Variants in FBXL7 observed in about 807,000 individuals in gnomAD.
FBXL7 encodes F-box and leucine rich repeat protein 7.
Under a neutral mutation model 38.3 loss-of-function variants are expected in FBXL7, and 12 were observed. The observed-to-expected ratio is 0.31, with a 90% confidence interval of 0.20 to 0.51. The LOEUF is 0.51. FBXL7 is among the 20% of genes least tolerant of loss of function. The pLI is 0.98. For synonymous variants in FBXL7, 297 were observed against 300.9 expected (o/e 0.99, Z 0.13); for missense variants, 567 against 676.4 (o/e 0.84, Z 1.79).
intron 2 of FBXL7, among the ~76,000 whole-genome samples, chr5:15,912,507 T>C (rs2126426938): frequency 6.7e-6 from 1 of 149,790 alleles, no homozygotes; most frequent in East Asian, 1.9e-4. Context: ...CGCTGGGAGC[T>C]GTAGACCGGA....
intron 2 of FBXL7, among the ~76,000 whole-genome samples, chr5:15,652,415 C>T (rs7721329): frequency 0.057 from 8,605 of 152,046 alleles, 680 homozygotes; most frequent in East Asian, 0.35. Flanking sequence ...TACAGGTGCC[C>T]GCCACCAAGC....
At chr5:15,692,140 C>T (rs1282331236) in intron 2 of FBXL7, among the ~76,000 whole-genome samples, 3 of 152,110 alleles carry the variant, frequency 2.0e-5, no homozygotes, top group Admixed American at 6.5e-5. Context: ...AATCCGGGGT[C>T]ACTTCTCTTT....
chr5:15,532,755 A>G (rs1269107064), intron 1 of FBXL7, among the ~76,000 whole-genome samples: 3 of 152,224 alleles, frequency 2.0e-5, no homozygotes, highest in Non-Finnish European at 4.4e-5. Context: ...ACTTTTAAGG[A>G]GGAAAATCCG....
intron 2 of FBXL7, among the ~76,000 whole-genome samples, chr5:15,832,593 G>A (rs992527481): frequency 5.3e-5 from 8 of 152,180 alleles, no homozygotes; most frequent in Non-Finnish European, 1.0e-4. Context: ...TTTGCAAGTG[G>A]CTATCAGTAG....
Position 15,658,492 on chromosome 5 carries a change from G to T in FBXL7, c.127+42420G>T, listed in dbSNP as rs536983504. 1.1e-4 allele frequency among the ~76,000 whole-genome samples: 16 copies of T among 152,216 alleles called. No individual in the cohort carries two copies. The South Asian group carries it at 3.3e-3, about 32-fold the overall frequency. ...GGGAGATCTGATGGTTTTATAAGGG[G>T]CTTCACCCTTTGTAGCAGGAGGAGC... On this transcript the variant is annotated intron_variant, in intron 2 of 3. Coordinates refer to ENST00000504595, the MANE Select transcript of FBXL7 (RefSeq NM_012304.5).
chr5:15,814,294 G>A lies in FBXL7; in HGVS notation c.128-113596G>A, dbSNP rs1357562828. On this transcript the variant is annotated intron_variant, in intron 2 of 3. Transcript: ENST00000504595. ...CCTTCGCAGGGACATGGATGAAGCT[G>A]GCAACCATCATTCTCGGCAAACTGA... Among the ~76,000 whole-genome samples, 3 of 152,050 alleles carry A rather than the reference G, an allele frequency of 2.0e-5. No homozygotes were observed. The East Asian group carries it at 5.8e-4, about 29-fold the overall frequency.
chr5:15,856,332 C>A (rs1739270503), intron 2 of FBXL7, among the ~76,000 whole-genome samples: 1 of 151,948 alleles, frequency 6.6e-6, no homozygotes. Flanking sequence ...AGCTACAATT[C>A]AAGATGAGAT....
Position 15,928,378 on chromosome 5 carries a change from A to G in FBXL7, c.616A>G (p.Thr206Ala). 3 of 1,614,026 alleles carry G rather than the reference A, an allele frequency of 1.9e-6. No individual in the cohort carries two copies. Among genetic ancestry groups the G allele is most frequent in the Non-Finnish European group, 2.5e-6 (3 of 1,179,900 alleles). Residue 206 changes from threonine to alanine, a missense_variant, in exon 3 of 4, where the codon ACC (threonine) becomes GCC (alanine). Coordinates refer to ENST00000504595, the MANE Select transcript of FBXL7 (RefSeq NM_012304.5). The surrounding 1 kb of genome is among the most constrained non-coding windows in gnomAD (Gnocchi z 4.0). ...GCGGCTCACAGACCGAGGGCTGTAC[A>G]CCATCGCCCAGTGCTGCCCCGAACT... is the stretch of plus-strand genomic sequence containing the variant. ...CRRLTDRGLYTIAQCCPELRR... is the reference protein window; with the variant it reads ...CRRLTDRGLYAIAQCCPELRR...
At chr5:15,652,311 G>T (rs1233792525) in intron 2 of FBXL7, among the ~76,000 whole-genome samples, 1 of 152,074 alleles carries the variant, frequency 6.6e-6, no homozygotes, top group Non-Finnish European at 1.5e-5. Flanking sequence ...CTGTTGCCCA[G>T]GCTGGAGTGC....
intron 2 of FBXL7, among the ~76,000 whole-genome samples, chr5:15,925,331 T>C (rs952239143): frequency 4.6e-5 from 7 of 152,244 alleles, no homozygotes; most frequent in African/African-American, 1.7e-4. Context: ...CATTTGCAGC[T>C]ACTCAAGAAA....
At chr5:15,514,518 A>G (rs1736882701) in intron 1 of FBXL7, among the ~76,000 whole-genome samples, 1 of 152,222 alleles carries the variant, frequency 6.6e-6, no homozygotes, top group Admixed American at 6.5e-5. Context: ...TTCCAAACAA[A>G]GAGGTTGAGG....
chr5:15,928,229 C>T lies in FBXL7; in HGVS notation c.467C>T (p.Thr156Ile). The change falls in exon 3 of 4, where the codon ACT (threonine) becomes ATT (isoleucine). Residue 156 changes from threonine (T) to isoleucine (I), a missense_variant. By Grantham distance (89) the Thr-to-Ile change is moderately conservative. Coordinates refer to ENST00000504595, the MANE Select transcript of FBXL7 (RefSeq NM_012304.5). The surrounding 1 kb of genome is among the most constrained non-coding windows in gnomAD (Gnocchi z 4.0). ...GCCTGGGACCCGCGGCTCTGGAGGA[C>T]TATCCGCCTGACGGGCGAGACCATC... ...NLAWDPRLWRTIRLTGETINV... is the reference protein window; with the variant it reads ...NLAWDPRLWRIIRLTGETINV... The T allele has an allele frequency of 6.2e-7, 1 of 1,610,996 alleles. No homozygotes were observed. The highest frequency in any genetic ancestry group is 8.5e-7 in the Non-Finnish European group (1 of 1,178,836).
At chr5:15,927,787 A>AAAAAT in intron 2 of FBXL7, 103 bp from the exon 3 acceptor site, 2 of 751,936 alleles carry the variant, frequency 2.7e-6, no homozygotes, top group East Asian at 3.1e-5. Context: ...AAAAAAAAAA[A>AAAAAT]GAAGAAGAAA....
chr5:15,751,038 AT>A (rs556058085), intron 2 of FBXL7, among the ~76,000 whole-genome samples: 132 of 150,220 alleles, frequency 8.8e-4, no homozygotes, highest in African/African-American at 2.6e-3. Flanking sequence ...AAGAATGATG[AT>A]TTTTTTTTTC....
At chr5:15,517,271 A>G (rs1233932779) in intron 1 of FBXL7, among the ~76,000 whole-genome samples, 2 of 152,156 alleles carry the variant, frequency 1.3e-5, no homozygotes, top group Non-Finnish European at 2.9e-5. Flanking sequence ...GTTTTATAAA[A>G]TAAAGAGTTG....
At chr5:15,555,057 C>T (rs1309880334) in intron 1 of FBXL7, among the ~76,000 whole-genome samples, 4 of 152,208 alleles carry the variant, frequency 2.6e-5, no homozygotes, top group African/African-American at 9.6e-5. Flanking sequence ...TGTATTCTTG[C>T]TTGTGAGGGT....
intron 2 of FBXL7, among the ~76,000 whole-genome samples, chr5:15,786,532 C>T (rs1737137576): frequency 6.6e-6 from 1 of 152,126 alleles, no homozygotes; most frequent in Non-Finnish European, 1.5e-5. Flanking sequence ...TGCCAACTGC[C>T]TGTTCTTTTC....
At chr5:15,802,799 G>A (rs1351373083) in intron 2 of FBXL7, among the ~76,000 whole-genome samples, 6 of 151,868 alleles carry the variant, frequency 4.0e-5, no homozygotes, top group East Asian at 3.9e-4. Context: ...GATTACAGGC[G>A]TGCACCACCA....
intron 1 of FBXL7, among the ~76,000 whole-genome samples, chr5:15,546,556 G>C (rs995598314): frequency 2.0e-5 from 3 of 151,904 alleles, no homozygotes; most frequent in African/African-American, 7.3e-5. Flanking sequence ...GACATAGCGA[G>C]ACTCTGTCTC....
Sources: gnomAD v4.1 joint callset for allele counts (sites outside exome capture counted in the v4.1 genomes callset) on GRCh38, gnomAD v4.1.1 for gene constraint, Gnocchi (gnomAD v3.1) non-coding constraint, MANE v1.5 for transcripts, NCBI Gene and HGNC (gene_info 2026-07-23, HGNC 2026-07-21) for gene names.